MTCL1: variants seen among roughly 807,000 people sequenced by gnomAD.
MTCL1 encodes the protein microtubule crosslinking factor 1, also known as microtubule cross-linking factor 1.
MTCL1 carries 79 observed loss-of-function variants against 141.4 expected under a neutral mutation model. The observed-to-expected ratio is 0.56, with a 90% CI of 0.47 to 0.67. MTCL1 has a LOEUF of 0.67. Among genes scored for constraint, MTCL1 ranks in the 30% least tolerant of loss-of-function variants. The pLI is 0.00. For missense variants in MTCL1, 2,177 were observed against 2,113.9 expected (o/e 1.03, Z -0.59); for synonymous variants, 914 against 875.8 (o/e 1.04, Z -0.77).
At chr18:8,732,670 G>A (rs2096256513) in intron 4 of MTCL1, among the ~76,000 whole-genome samples, 1 of 152,180 alleles carries the variant, frequency 6.6e-6, no homozygotes, top group African/African-American at 2.4e-5. Flanking sequence ...CAGCCCAACT[G>A]AATGTCTCCC....
exon 1 of MTCL1, chr18:8,706,541 C>A: frequency 7.3e-7 from 1 of 1,378,136 alleles, no homozygotes; most frequent in Non-Finnish European, 9.4e-7. Context: ...GGGGGTTTCG[C>A]GGGGCCCGGC....
At chr18:8,826,390 G>A (rs2077028172) in intron 15 of MTCL1, among the ~76,000 whole-genome samples, 158 bp downstream of exon 14, 1 of 152,216 alleles carries the variant, frequency 6.6e-6, no homozygotes, top group Non-Finnish European at 1.5e-5. Flanking sequence ...TGGGAGAATA[G>A]AATAGGCAGA....
At chr18:8,780,084 C>G (rs1301672044) in intron 5 of MTCL1, among the ~76,000 whole-genome samples, 1 of 152,188 alleles carries the variant, frequency 6.6e-6, no homozygotes, top group Non-Finnish European at 1.5e-5. Flanking sequence ...CAGCGTGTTT[C>G]AGGACCCTTC....
intron 7 of MTCL1, 102 bp downstream of exon 6, chr18:8,786,193 A>C: frequency 7.7e-7 from 1 of 1,292,376 alleles, no homozygotes; most frequent in Non-Finnish European, 1.1e-6. Flanking sequence ...CTGAGGGAAC[A>C]TGGCAGGAGG....
intron 4 of MTCL1, among the ~76,000 whole-genome samples, chr18:8,724,715 C>T (rs764254914): frequency 6.6e-6 from 1 of 152,160 alleles, no homozygotes; most frequent in Non-Finnish European, 1.5e-5. Flanking sequence ...GGGCTGTAAA[C>T]GTTGGCCTGA....
intron 4 of MTCL1, among the ~76,000 whole-genome samples, chr18:8,757,500 A>G (rs1300151756): frequency 6.6e-6 from 1 of 152,234 alleles, no homozygotes; most frequent in Admixed American, 6.5e-5. Context: ...AATACAGGTT[A>G]AAAACAAAAA....
chr18:8,786,383 T>G (rs2096555849), intron 7 of MTCL1: 3 of 627,856 alleles, frequency 4.8e-6, no homozygotes, highest in Admixed American at 4.2e-5. Context: ...GGCTGATTGG[T>G]GAGTGCGCAG....
At chr18:8,731,643 G>A (rs1382723684) in intron 4 of MTCL1, among the ~76,000 whole-genome samples, 1 of 152,218 alleles carries the variant, frequency 6.6e-6, no homozygotes, top group Non-Finnish European at 1.5e-5. Context: ...TCACTAGGCA[G>A]TAAACTGCAT....
chr18:8,784,498 G>A, exon 6 of MTCL1: 1 of 1,585,758 alleles, frequency 6.3e-7, no homozygotes, highest in South Asian at 1.2e-5. Flanking sequence ...ACGAGGCCCA[G>A]CGGCTAGAGC....
At chr18:8,789,489 T>G in intron 7 of MTCL1, 1 of 985,472 alleles carries the variant, frequency 1.0e-6, no homozygotes, top group Non-Finnish European at 1.2e-6. Context: ...GGAAGTAATT[T>G]GTAAGCCACT....
chr18:8,716,269 C>T (rs1419495474), upstream of MTCL1, among the ~76,000 whole-genome samples: 1 of 152,160 alleles, frequency 6.6e-6, no homozygotes, highest in Non-Finnish European at 1.5e-5. Flanking sequence ...ATCTGTTCTC[C>T]TTGGTAGCCT....
At chr18:8,747,623 A>G (rs1415792735) in intron 4 of MTCL1, among the ~76,000 whole-genome samples, 1 of 152,216 alleles carries the variant, frequency 6.6e-6, no homozygotes, top group Non-Finnish European at 1.5e-5. Flanking sequence ...GTCCTCCTCT[A>G]AACGTGCAAA....
chr18:8,816,653 C>T (rs1323412533), intron 12 of MTCL1, among the ~76,000 whole-genome samples: 1 of 152,174 alleles, frequency 6.6e-6, no homozygotes, highest in Non-Finnish European at 1.5e-5. Context: ...CATTCATTCT[C>T]CTTCCAGTAA....
chr18:8,783,799 G>C, exon 6 of MTCL1: 1 of 1,613,398 alleles, frequency 6.2e-7, no homozygotes, highest in Non-Finnish European at 8.5e-7. Context: ...TGGAGCTGGA[G>C]GTGGAGAACC....
chr18:8,815,126 A>G (rs1468376895), intron 12 of MTCL1, among the ~76,000 whole-genome samples: 1 of 152,230 alleles, frequency 6.6e-6, no homozygotes, highest in Non-Finnish European at 1.5e-5. Flanking sequence ...TACTGGGTAT[A>G]TACCGAAAGG....
chr18:8,732,873 C>T (rs962201987), intron 4 of MTCL1, among the ~76,000 whole-genome samples: 1 of 152,162 alleles, frequency 6.6e-6, no homozygotes, highest in Non-Finnish European at 1.5e-5. Flanking sequence ...GATATGCTTT[C>T]GTGTGACCTT....
intron 4 of MTCL1, among the ~76,000 whole-genome samples, chr18:8,744,745 G>C (rs2096326003): frequency 6.6e-6 from 1 of 152,056 alleles, no homozygotes; most frequent in African/African-American, 2.4e-5. Flanking sequence ...TAGGTTTTTT[G>C]AGTAACCACC....
At chr18:8,796,169 G>T in intron 8 of MTCL1, 63 bp from the exon 8 acceptor site, 2 of 1,556,508 alleles carry the variant, frequency 1.3e-6, no homozygotes, top group Non-Finnish European at 1.8e-6. Flanking sequence ...GGGACTCTTG[G>T]TTTGGTTTGG....
chr18:8,790,929 C>T (rs542441808), intron 7 of MTCL1, among the ~76,000 whole-genome samples: 5 of 152,254 alleles, frequency 3.3e-5, no homozygotes, highest in South Asian at 2.1e-4. Context: ...GCAGGAGAAT[C>T]GCTTGAACCT....
Sources: allele counts gnomAD v4.1 joint callset (sites outside exome capture counted in the v4.1 genomes callset), GRCh38; gene constraint gnomAD v4.1.1; transcripts MANE v1.5; gene names NCBI Gene and HGNC (gene_info 2026-07-23, HGNC 2026-07-21).